Variants in CFAP74 observed in about 807,000 individuals in gnomAD.
CFAP74 encodes cilia- and flagella-associated protein 74.
CFAP74 carries 124 observed loss-of-function variants against 188.9 expected under a neutral mutation model. That is an observed-to-expected ratio of 0.66 (90% CI 0.57 to 0.76). The LOEUF (loss-of-function observed/expected upper bound fraction) is 0.76. Among genes scored for constraint, CFAP74 ranks in the 30% least tolerant of loss-of-function variants. The pLI is 0.00. For missense variants in CFAP74, 2,198 were observed against 2,165.2 expected, an observed-to-expected ratio of 1.02 and a Z score of -0.30; for synonymous variants, 956 against 916.7, an observed-to-expected ratio of 1.04 and a Z score of -0.77.
chr1:1,955,901 C>T, intron 17 of CFAP74, 51 bp from the exon 18 acceptor site: 1 of 1,565,190 alleles, frequency 6.4e-7, no homozygotes, highest in Non-Finnish European at 8.6e-7. Flanking sequence ...ACCTCCTTTT[C>T]CCAGTCAGCT....
In CFAP74 at chr1:1,927,629, G is replaced by A. The variant is rs746675854; in HGVS notation, c.3505C>T (p.Arg1169Trp). The change falls in exon 28 of 39, where the codon CGG (arginine) becomes TGG (tryptophan). Residue 1169 changes from arginine (R) to tryptophan (W), a missense_variant. Arg to Trp is a moderately radical substitution (Grantham distance 101). Coordinates refer to ENST00000682832, the MANE Select transcript of CFAP74 (RefSeq NM_001304360.2). ...CACCTGGGCCTCAGCTCCCGCTTCC[G>A]CATCTCCAGGACGTGGGGGACAGAG... ...KVSVPHVLEM[R>W]KRELRPSSDE... is the part of the protein sequence containing the mutation. The A allele has an allele frequency of 5.8e-6, 9 of 1,550,012 alleles. 1 individual carries two copies. Among genetic ancestry groups the A allele is most frequent in the South Asian group, 2.4e-5 (2 of 84,050 alleles).
intron 9 of CFAP74, among the ~76,000 whole-genome samples, chr1:1,971,300 CACACATGCACACCTGCAG>C (rs1022199099): frequency 6.6e-6 from 1 of 151,524 alleles, no homozygotes; most frequent in East Asian, 2.0e-4. Flanking sequence ...CATACACGCT[CACACATGCACACCTGCAG>C]ACACTTGCAC....
chr1:1,963,829 C>T lies in CFAP74; in HGVS notation c.1614G>A (p.Thr538=), dbSNP rs769859902. 1.1e-5 allele frequency: 18 copies of T among 1,613,832 alleles called. No homozygotes were observed. The highest frequency in any genetic ancestry group is 8.8e-5 in the South Asian group (8 of 91,048). The change falls in exon 14 of 39, where the codon ACG becomes ACA. Residue 538 remains threonine (T), a synonymous_variant. Coordinates refer to ENST00000682832, the MANE Select transcript of CFAP74 (RefSeq NM_001304360.2). The part of the protein sequence containing the change: ...DIGKVYKKKI[T]LVNTTYTINY... ...TGATCGTGTAGGTGGTGTTTACCAA[C>T]GTGATCTTTTTCTTGTACACTTTGC...
chr1:1,987,844 C>T (rs532993227), intron 4 of CFAP74: 23 of 330,886 alleles, frequency 7.0e-5, no homozygotes, highest in Non-Finnish European at 9.5e-5. Context: ...CCGGCCATGA[C>T]GGTCACTTGG....
chr1:1,971,363 ACACACACGGTCACACATGCACACACGTG>A (rs1297799206), intron 9 of CFAP74, among the ~76,000 whole-genome samples: 32 of 144,312 alleles, frequency 2.2e-4, no homozygotes, highest in East Asian at 1.6e-3. Context: ...GCACACCTGC[ACACACACGGTCACACATGCACACACGTG>A]CACACACGGT....
chr1:1,967,260 C>A (rs2102072371), intron 11 of CFAP74, among the ~76,000 whole-genome samples: 1 of 152,342 alleles, frequency 6.6e-6, no homozygotes, highest in East Asian at 1.9e-4. Flanking sequence ...TGCTCTGGCT[C>A]TGTCCCAGGC....
chr1:1,958,944 C>G (rs374033231), intron 16 of CFAP74, among the ~76,000 whole-genome samples, 176 bp downstream of exon 16: 5 of 152,146 alleles, frequency 3.3e-5, no homozygotes, highest in Non-Finnish European at 7.4e-5. Flanking sequence ...ACCTAAGGTT[C>G]GGCTCAGGCC....
In CFAP74 at chr1:1,988,393, C is replaced by T. The variant is rs912695123; in HGVS notation, c.296+119G>A. ...ACTGCTCCTCCATGGAGACCCTGTG[C>T]GACCCTCCCTTGCAGGCCCTCAGGG... On this transcript the variant is annotated intron_variant, in intron 4 of 38. Coordinates refer to ENST00000682832, the MANE Select transcript of CFAP74 (RefSeq NM_001304360.2). 2.8e-5 allele frequency: 35 copies of T among 1,261,204 alleles called. No individual in the cohort carries two copies. The Admixed American group carries it at 3.3e-4, about 12-fold the overall frequency. 78.1% of individuals were successfully genotyped at this position (1,261,204 alleles called of 1,614,324 possible).
chr1:1,994,635 C>T (rs1294694888), intron 1 of CFAP74, among the ~76,000 whole-genome samples: 1 of 152,224 alleles, frequency 6.6e-6, no homozygotes, highest in Non-Finnish European at 1.5e-5. Context: ...CAGCTCTGTG[C>T]TTGTGAATTC....
intron 24 of CFAP74, 99 bp from the exon 25 acceptor site, chr1:1,939,087 C>A: frequency 1.6e-6 from 2 of 1,248,150 alleles, no homozygotes; most frequent in South Asian, 1.4e-5. Flanking sequence ...TGAGTGTGAT[C>A]GTGTGTGAGC....
intron 25 of CFAP74, among the ~76,000 whole-genome samples, chr1:1,938,280 T>A (rs1280510634): frequency 2.0e-5 from 3 of 148,406 alleles, no homozygotes; most frequent in South Asian, 2.2e-4. Flanking sequence ...CCCACATACA[T>A]GCACTCACAC....
intron 22 of CFAP74, 90 bp from the exon 23 acceptor site, chr1:1,940,493 C>T (rs1329425807): frequency 1.1e-6 from 1 of 875,624 alleles, no homozygotes; most frequent in South Asian, 1.8e-5. Flanking sequence ...TTCTACATCC[C>T]GTGAGAGCTA....
Position 1,998,048 on chromosome 1 carries a change from C to T in CFAP74, c.-20+5653G>A, listed in dbSNP as rs568667549. Reference sequence around the variant, plus strand: ...ATCCCAGCACTTTGGGAGGCTGAGGCGGGTGGATCACCTGAGGTCAGGAGT... The same window carrying T: ...ATCCCAGCACTTTGGGAGGCTGAGGTGGGTGGATCACCTGAGGTCAGGAGT... On this transcript the variant is annotated intron_variant, in intron 1 of 38. Transcript: ENST00000682832. Among the ~76,000 whole-genome samples, 283 of 152,136 alleles carry T rather than the reference C, an allele frequency of 1.9e-3. 1 individual carries two copies. Among genetic ancestry groups the T allele is most frequent in the African/African-American group, 6.5e-3 (269 of 41,508 alleles).
At chr1:1,961,456 G>A (rs1655084680) in intron 14 of CFAP74, among the ~76,000 whole-genome samples, 1 of 152,156 alleles carries the variant, frequency 6.6e-6, no homozygotes. Flanking sequence ...CCAGCAACAA[G>A]AGGCAGAGGG....
At chr1:1,928,994 C>G in intron 26 of CFAP74, 112 bp from the exon 27 acceptor site, 1 of 666,178 alleles carries the variant, frequency 1.5e-6, no homozygotes, top group Non-Finnish European at 2.5e-6. Flanking sequence ...GGTCACCTCC[C>G]CCTTGAGATT....
chr1:1,991,995 G>A lies in CFAP74; in HGVS notation c.-19-1020C>T, dbSNP rs375610792. Among the ~76,000 whole-genome samples, 322 of 150,168 alleles carry A rather than the reference G, an allele frequency of 2.1e-3. 2 individuals carry two copies. The highest frequency in any genetic ancestry group is 7.7e-3 in the African/African-American group (309 of 40,042). ...GCGGAGCTTGCAGTGAGCCGAGATCGCGCCACTGCACTCCAGCCTGGGTGA... is the reference window on the plus strand; with the variant it reads ...GCGGAGCTTGCAGTGAGCCGAGATCACGCCACTGCACTCCAGCCTGGGTGA... On this transcript the variant is annotated intron_variant, in intron 1 of 38. Coordinates refer to ENST00000682832, the MANE Select transcript of CFAP74 (RefSeq NM_001304360.2).
intron 16 of CFAP74, among the ~76,000 whole-genome samples, chr1:1,957,661 G>A (rs764418128): frequency 2.0e-5 from 3 of 152,174 alleles, no homozygotes; most frequent in African/African-American, 4.8e-5. Flanking sequence ...CTGGGGCCTC[G>A]CCGGGCACGT....
At chr1:1,966,837 ATT>A (rs756219387) in intron 11 of CFAP74, among the ~76,000 whole-genome samples, 12 of 135,636 alleles carry the variant, frequency 8.8e-5, no homozygotes, top group Non-Finnish European at 8.0e-5. Context: ...ATCTGTTCTC[ATT>A]TTTTTTTTTT....
At position 1,968,563 on chromosome 1, in the gene CFAP74, A is replaced by T; in HGVS notation, c.1245+72T>A. 5 of 1,349,980 alleles carry T rather than the reference A, an allele frequency of 3.7e-6. No individual in the cohort carries two copies. Among genetic ancestry groups the T allele is most frequent in the Non-Finnish European group, 5.2e-6 (5 of 958,762 alleles). 83.6% of individuals were successfully genotyped at this position (1,349,980 alleles called of 1,614,324 possible). Reference sequence around the variant, plus strand: ...AGGTCCTCAGAGGATGTCTCACCACACCTGAGCCCTGAGGCCCCACCTGCC... The same window carrying T: ...AGGTCCTCAGAGGATGTCTCACCACTCCTGAGCCCTGAGGCCCCACCTGCC... On this transcript the variant is annotated intron_variant, in intron 11 of 38. Coordinates refer to ENST00000682832, the MANE Select transcript of CFAP74 (RefSeq NM_001304360.2). This position sits in a 1 kb window ranked among gnomAD's most constrained non-coding sequence, Gnocchi z 4.3.
Sources: allele counts gnomAD v4.1 joint callset (sites outside exome capture counted in the v4.1 genomes callset), GRCh38; gene constraint gnomAD v4.1.1; non-coding constraint Gnocchi (gnomAD v3.1); transcripts MANE v1.5; gene names NCBI Gene and HGNC (gene_info 2026-07-23, HGNC 2026-07-21).